RABGGTB: variants seen among roughly 807,000 people sequenced by gnomAD.
RABGGTB encodes geranylgeranyl transferase type-2 subunit beta.
A neutral mutation model predicts 44.5 loss-of-function variants in RABGGTB; 20 were observed. The observed-to-expected ratio is 0.45, with a 90% CI of 0.32 to 0.65. The LOEUF (loss-of-function observed/expected upper bound fraction) is 0.65. Ranked by LOEUF, RABGGTB falls within the 30% of genes least tolerant of loss-of-function variation. The pLI is 0.05. For missense variants in RABGGTB, 302 were observed against 398.7 expected (o/e 0.76, Z 2.06); for synonymous variants, 128 against 136.7 (o/e 0.94, Z 0.44).
At chr1:75,791,610 G>T (rs1402475538) in intron 6 of RABGGTB, 39 bp downstream of exon 6, 1 of 1,510,056 alleles carries the variant, frequency 6.6e-7, no homozygotes, top group Non-Finnish European at 9.1e-7. Flanking sequence ...TTGTCATTTT[G>T]GAAGCCAGTG....
rs559318372 is a variant in RABGGTB at position 75,786,256 on chromosome 1, C to G, written c.-16C>G. ...TACCCAGGAACTGACCCTGCTCTCT[C>G]CTTTCCCTGTTAGACATGGTAAGTG... On this transcript the variant is annotated 5_prime_UTR_variant, in exon 1 of 9. Transcript: ENST00000319942. 4 of 1,614,200 alleles carry G rather than the reference C, an allele frequency of 2.5e-6. No individual in the cohort carries two copies. The highest frequency in any genetic ancestry group is 4.5e-5 in the East Asian group (2 of 44,872).
intron 1 of RABGGTB, 72 bp from the exon 2 acceptor site, chr1:75,787,421 ATGTT>A: frequency 1.9e-6 from 2 of 1,060,266 alleles, no homozygotes; most frequent in Non-Finnish European, 2.9e-6. Context: ...ATTGAGATGT[ATGTT>A]GAATCTATGC....
intron 4 of RABGGTB, chr1:75,790,346 A>G: frequency 8.6e-7 from 1 of 1,156,510 alleles, no homozygotes; most frequent in Admixed American, 5.3e-5. Context: ...CTGGAAAGGG[A>G]AAAATATTTA....
intron 4 of RABGGTB, 41 bp downstream of exon 4, chr1:75,790,098 T>A (rs1230901567): frequency 1.9e-6 from 3 of 1,606,670 alleles, no homozygotes; most frequent in Non-Finnish European, 1.7e-6. Context: ...AATACCAATA[T>A]TAAAATGTAC....
At position 75,794,650 on chromosome 1, in the gene RABGGTB, G is replaced by C. The variant is rs139908493; in HGVS notation, c.996G>C (p.Ter332TyrextTer3). The C allele has an allele frequency of 9.4e-6, 15 of 1,589,118 alleles. No individual in the cohort carries two copies. The highest frequency in any genetic ancestry group is 1.2e-5 in the Non-Finnish European group (14 of 1,167,098). ...ATGTTCAGCCTGAGCTAGTGAGCTA[G>C]ATTCATTGAATTGAAAGTTGCATAG... ...RVNVQPELVS[*>Y] is the part of the protein sequence containing the mutation. Residue 332 changes from the stop codon to tyrosine, a stop_lost, in exon 9 of 9, where the codon TAG becomes TAC. Transcript: ENST00000319942.
At chr1:75,791,709 G>T in intron 6 of RABGGTB, 138 bp downstream of exon 6, 1 of 707,144 alleles carries the variant, frequency 1.4e-6, no homozygotes, top group Non-Finnish European at 2.3e-6. Context: ...CATAAGAATT[G>T]CTTAATTGCT....
In RABGGTB at chr1:75,789,958, A is replaced by T; in HGVS notation, c.316A>T (p.Thr106Ser). The T allele has an allele frequency of 6.2e-7, 1 of 1,602,482 alleles. No homozygotes were observed. The highest frequency in any genetic ancestry group is 1.1e-5 in the South Asian group (1 of 90,500). ...LYTLSAVQIL[T>S]LYDSINVIDV... ...ATACTTGTCTTTATTGCAGATTCTT[A>T]CGCTGTATGACAGTATTAATGTTAT... Residue 106 changes from threonine to serine, a missense_variant, in exon 4 of 9, where the codon ACG (threonine) becomes TCG (serine). Thr to Ser is a moderately conservative substitution (Grantham distance 58). Transcript: ENST00000319942.
Position 75,790,200 on chromosome 1 carries a change from TC to T in RABGGTB, c.415+145del. 3 of 1,465,574 alleles carry T rather than the reference TC, an allele frequency of 2.0e-6. No individual in the cohort carries two copies. In the South Asian group the frequency reaches 4.3e-5, roughly 21 times the overall value. The allele number at this position is 1,465,574 out of a possible 1,614,324, so 90.8% of individuals were successfully genotyped here. On this transcript the variant is annotated intron_variant, in intron 4 of 8. Coordinates refer to ENST00000319942, the MANE Select transcript of RABGGTB (RefSeq NM_004582.4). ...CTGGAGTTAATGGTCTGCTGGAACT[TC>T]CAGCATGCACTGTGGTAGTTATATC...
At position 75,787,590 on chromosome 1, in the gene RABGGTB, A is replaced by G. The variant is rs1415583090; in HGVS notation, c.97A>G (p.Lys33Glu). Residue 33 changes from lysine (K) to glutamate (E), a missense_variant, in exon 2 of 9, where the codon AAG (lysine) becomes GAG (glutamate). Physicochemically the swap from Lys to Glu is moderately conservative, Grantham distance 56 (BLOSUM62 1). Coordinates refer to ENST00000319942, the MANE Select transcript of RABGGTB (RefSeq NM_004582.4). ...HADYIASYGS[K>E]KDDYEYCMSE... The stretch of plus-strand genomic sequence containing the variant: ...AGATTATATCGCATCCTATGGCTCA[A>G]AGAAAGATGATTATGTATGTATAAT... 5.0e-6 allele frequency: 8 copies of G among 1,610,474 alleles called. No homozygotes were observed. Among genetic ancestry groups the G allele is most frequent in the African/African-American group, 1.3e-5 (1 of 74,854 alleles).
intron 4 of RABGGTB, 127 bp from the exon 5 acceptor site, chr1:75,791,158 C>A (rs938110776): frequency 2.1e-5 from 17 of 813,750 alleles, no homozygotes. Flanking sequence ...AGCTTTCCTC[C>A]TGACTACCCT....
intron 5 of RABGGTB, 25 bp from the exon 6 acceptor site, chr1:75,791,436 C>T (rs762647449): frequency 1.5e-5 from 23 of 1,574,168 alleles, no homozygotes; most frequent in Non-Finnish European, 2.0e-5. Flanking sequence ...TGGAATTTAA[C>T]AGGCATCTTT....
At chr1:75,792,982 T>C (rs1038943428) in intron 7 of RABGGTB, among the ~76,000 whole-genome samples, 2 of 152,066 alleles carry the variant, frequency 1.3e-5, no homozygotes, top group Non-Finnish European at 2.9e-5. Context: ...CACGGCTAAT[T>C]TTTGTATTTT....
rs1019242581 is a variant in RABGGTB, at chr1:75,794,638, G to A, written c.984G>A (p.Glu328=). ...EVLQRVNVQP[E]LVS ...TTCAGAGAGTGAATGTTCAGCCTGA[G>A]CTAGTGAGCTAGATTCATTGAATTG... Residue 328 remains glutamate (E), a synonymous_variant, in exon 9 of 9, where the codon GAG becomes GAA. Transcript: ENST00000319942. The A allele has an allele frequency of 6.2e-6, 10 of 1,606,448 alleles. No individual in the cohort carries two copies. The Admixed American group carries it at 1.7e-4, about 27-fold the overall frequency.
rs759294610 is a variant in RABGGTB at position 75,786,289 on chromosome 1, A to G, written c.3+15A>G. The G allele has an allele frequency of 4.8e-5, 77 of 1,614,102 alleles. No homozygotes were observed. Among genetic ancestry groups the G allele is most frequent in the Non-Finnish European group, 6.2e-5 (73 of 1,180,024 alleles). ...TGTTAGACATGGTAAGTGTGAGTTT[A>G]GCGCTGCTGTCCGGATGGGTTGGTA... On this transcript the variant is annotated intron_variant, in intron 1 of 8. Transcript: ENST00000319942.
rs200874797 is a variant in RABGGTB, at chr1:75,786,292, G to C, written c.3+18G>C. 5.0e-6 allele frequency: 8 copies of C among 1,614,126 alleles called. No homozygotes were observed. The highest frequency in any genetic ancestry group is 6.8e-6 in the Non-Finnish European group (8 of 1,179,970). On this transcript the variant is annotated intron_variant, in intron 1 of 8. Transcript: ENST00000319942. ...TAGACATGGTAAGTGTGAGTTTAGC[G>C]CTGCTGTCCGGATGGGTTGGTAGCA...
At chr1:75,787,924 A>C (rs774593118) in intron 2 of RABGGTB, 3 of 576,068 alleles carry the variant, frequency 5.2e-6, no homozygotes, top group Non-Finnish European at 1.0e-5. Flanking sequence ...ATCTGAATCT[A>C]TTGCTGATGT....
chr1:75,789,458 A>G (rs778549503), intron 3 of RABGGTB, 102 bp downstream of exon 3: 20 of 1,181,128 alleles, frequency 1.7e-5, no homozygotes, highest in South Asian at 1.1e-4. Context: ...GTTTTGTTAC[A>G]AGTGAAGCTG....
chr1:75,786,705 G>A (rs1649497610), intron 1 of RABGGTB: 1 of 275,490 alleles, frequency 3.6e-6, no homozygotes, highest in African/African-American at 2.3e-5. Flanking sequence ...TATAGTGACT[G>A]CAGTGTACTC....
chr1:75,789,471 C>A (rs1649590816), intron 3 of RABGGTB, 115 bp downstream of exon 3: 1 of 1,046,504 alleles, frequency 9.6e-7, no homozygotes, highest in South Asian at 1.3e-5. Flanking sequence ...TGAAGCTGTC[C>A]TACAAGGTCA....
Sources: allele counts gnomAD v4.1 joint callset (sites outside exome capture counted in the v4.1 genomes callset), GRCh38; gene constraint gnomAD v4.1.1; transcripts MANE v1.5; gene names NCBI Gene and HGNC (gene_info 2026-07-23, HGNC 2026-07-21).